SHISA9: variants seen among roughly 807,000 people sequenced by gnomAD.
SHISA9 encodes protein shisa-9.
A neutral mutation model predicts 38.0 loss-of-function variants in SHISA9; 13 were observed. The observed-to-expected ratio is 0.34, with a 90% CI of 0.22 to 0.54. The LOEUF (loss-of-function observed/expected upper bound fraction) is 0.54. SHISA9 is among the 20% of genes least tolerant of loss of function. The pLI, the probability that SHISA9 is intolerant of heterozygous loss-of-function variation, is 0.91. For missense variants in SHISA9, 538 were observed against 575.8 expected (o/e 0.93, Z 0.67); for synonymous variants, 275 against 242.0 (o/e 1.14, Z -1.27).
the SHISA9 span, among the ~76,000 whole-genome samples, chr16:13,455,736 C>T: frequency 6.6e-6 from 1 of 152,200 alleles, no homozygotes; most frequent in Non-Finnish European, 1.5e-5. Flanking sequence ...AATTACCCCT[C>T]AGCTTTTTAG....
the SHISA9 span, among the ~76,000 whole-genome samples, chr16:13,496,280 T>G: frequency 3.3e-5 from 5 of 152,156 alleles, no homozygotes; most frequent in South Asian, 1.0e-3. Flanking sequence ...GATTATGACC[T>G]AAGCATCTCT....
intron 2 of SHISA9, among the ~76,000 whole-genome samples, chr16:13,171,508 AG>A (rs1435751995): frequency 1.3e-5 from 2 of 151,940 alleles, no homozygotes; most frequent in African/African-American, 2.4e-5. Context: ...GCGGGAGTCA[AG>A]GAAGCCCTTT....
chr16:13,298,655 G>T, the SHISA9 span, among the ~76,000 whole-genome samples: 1 of 152,188 alleles, frequency 6.6e-6, no homozygotes, highest in East Asian at 1.9e-4. Flanking sequence ...TCACCATGCA[G>T]TGTTGCCTCC....
intron 2 of SHISA9, among the ~76,000 whole-genome samples, chr16:13,017,262 C>T (rs113786096): frequency 6.4e-4 from 98 of 152,234 alleles, no homozygotes; most frequent in South Asian, 4.6e-3. Context: ...TCAGGTGATC[C>T]GCCCGCCTTG....
At chr16:13,181,734 G>A (rs1000834009) in intron 2 of SHISA9, among the ~76,000 whole-genome samples, 6 of 152,004 alleles carry the variant, frequency 3.9e-5, no homozygotes, top group African/African-American at 1.4e-4. Flanking sequence ...AGGAAACAAT[G>A]CTGGTTTCAT....
chr16:13,522,796 T>A, the SHISA9 span, among the ~76,000 whole-genome samples: 2 of 152,170 alleles, frequency 1.3e-5, no homozygotes, highest in Non-Finnish European at 2.9e-5. Flanking sequence ...GCAGCTAGTT[T>A]ACAGCCAGAC....
At chr16:12,953,550 C>G (rs1364906007) in intron 2 of SHISA9, among the ~76,000 whole-genome samples, 1 of 152,340 alleles carries the variant, frequency 6.6e-6, no homozygotes, top group South Asian at 2.1e-4. Flanking sequence ...ATTGTAATCT[C>G]TCATTCCTAG....
chr16:13,006,506 C>T (rs1343817371), intron 2 of SHISA9, among the ~76,000 whole-genome samples: 1 of 152,234 alleles, frequency 6.6e-6, no homozygotes, highest in Non-Finnish European at 1.5e-5. Flanking sequence ...AAGGACATTG[C>T]AAGTCACCTG....
intron 2 of SHISA9, among the ~76,000 whole-genome samples, chr16:13,021,124 AG>A (rs2072847981): frequency 6.6e-6 from 1 of 152,178 alleles, no homozygotes; most frequent in Non-Finnish European, 1.5e-5. Context: ...TGTCTCCTTG[AG>A]TGCTAGACCT....
chr16:13,033,684 G>C (rs1221675254), intron 2 of SHISA9, among the ~76,000 whole-genome samples: 4 of 152,106 alleles, frequency 2.6e-5, no homozygotes, highest in African/African-American at 4.8e-5. Context: ...TATGTCCTTG[G>C]GTTGGGAGAC....
At chr16:13,012,170 C>G (rs1369403944) in intron 2 of SHISA9, among the ~76,000 whole-genome samples, 1 of 151,992 alleles carries the variant, frequency 6.6e-6, no homozygotes, top group Non-Finnish European at 1.5e-5. Flanking sequence ...TAAGTGAGAT[C>G]ACACAATATT....
intron 2 of SHISA9, among the ~76,000 whole-genome samples, chr16:12,970,444 C>T (rs1235349900): frequency 0.017 from 799 of 46,518 alleles, 49 homozygotes; most frequent in African/African-American, 0.072. Context: ...TATATACACA[C>T]ATATATATAT....
At chr16:13,245,706 C>G in the SHISA9 span, among the ~76,000 whole-genome samples, 3 of 152,150 alleles carry the variant, frequency 2.0e-5, no homozygotes, top group Non-Finnish European at 4.4e-5. Flanking sequence ...CTCTCTGATT[C>G]AACCTTAAGC....
chr16:13,407,165 A>G, the SHISA9 span, among the ~76,000 whole-genome samples: 45 of 150,560 alleles, frequency 3.0e-4, no homozygotes, highest in African/African-American at 9.8e-4. Flanking sequence ...TGGGTGGCTT[A>G]TCAACAATGG....
the SHISA9 span, among the ~76,000 whole-genome samples, chr16:13,421,800 A>T: frequency 6.6e-6 from 1 of 152,190 alleles, no homozygotes; most frequent in Non-Finnish European, 1.5e-5. Context: ...TTCAACTCTC[A>T]CATGAAATCT....
intron 2 of SHISA9, among the ~76,000 whole-genome samples, chr16:12,943,968 T>C (rs1050023226): frequency 6.6e-6 from 1 of 152,198 alleles, no homozygotes; most frequent in Non-Finnish European, 1.5e-5. Context: ...CCCAACACTA[T>C]TGATATCTTG....
At chr16:12,959,761 A>G (rs1420631764) in intron 2 of SHISA9, among the ~76,000 whole-genome samples, 1 of 152,182 alleles carries the variant, frequency 6.6e-6, no homozygotes, top group Non-Finnish European at 1.5e-5. Flanking sequence ...AGCCAAGTAG[A>G]GCCCAGACCT....
At chr16:13,087,670 GTTGT>G (rs1403071932) in intron 2 of SHISA9, among the ~76,000 whole-genome samples, 8 of 152,132 alleles carry the variant, frequency 5.3e-5, no homozygotes, top group South Asian at 4.1e-4. Context: ...TTTTGATGGG[GTTGT>G]TTGTTTATTT....
the SHISA9 span, among the ~76,000 whole-genome samples, chr16:13,561,199 G>C: frequency 1.3e-5 from 2 of 152,060 alleles, no homozygotes; most frequent in Non-Finnish European, 2.9e-5. Flanking sequence ...ATGTACACTA[G>C]GGACAGAAAT....
Sources: gnomAD v4.1 joint callset for allele counts (sites outside exome capture counted in the v4.1 genomes callset) on GRCh38, gnomAD v4.1.1 for gene constraint, MANE v1.5 for transcripts, NCBI Gene and HGNC (gene_info 2026-07-23, HGNC 2026-07-21) for gene names.